Variants in PARG observed in about 807,000 individuals in gnomAD.
The protein encoded by PARG is mitochondrial poly(ADP-ribose) glycohydrolase.
In PARG, 35 loss-of-function variants were observed where a neutral mutation model predicts 113.0. The observed-to-expected ratio is 0.31, with a 90% confidence interval of 0.24 to 0.41. The LOEUF is 0.41. Among genes scored for constraint, PARG ranks in the 10% least tolerant of loss-of-function variants. PARG has a pLI of 1.00. For synonymous variants in PARG, 330 were observed against 409.9 expected, an observed-to-expected ratio of 0.81 and a Z score of 2.36; for missense variants, 797 against 1,169.4, an observed-to-expected ratio of 0.68 and a Z score of 4.64.
At chr10:49,890,425 T>C (rs1272041269) in intron 7 of PARG, among the ~76,000 whole-genome samples, 1 of 152,350 alleles carries the variant, frequency 6.6e-6, no homozygotes, top group South Asian at 2.1e-4. Flanking sequence ...GATCTGTTCA[T>C]TCATTCGATT....
At chr10:49,925,891 C>T (rs1247958701) in intron 4 of PARG, among the ~76,000 whole-genome samples, 1 of 152,252 alleles carries the variant, frequency 6.6e-6, no homozygotes, top group Non-Finnish European at 1.5e-5. Flanking sequence ...CAGAGGAGTG[C>T]CTCCTTGGCC....
At chr10:49,904,917 A>AAAAT (rs60426487) in intron 7 of PARG, among the ~76,000 whole-genome samples, 55,683 of 147,754 alleles carry the variant, frequency 0.38, 10,653 homozygotes, top group Admixed American at 0.46. Flanking sequence ...GAACATCTCA[A>AAAAT]AAATAAATAA....
intron 7 of PARG, among the ~76,000 whole-genome samples, chr10:49,907,318 C>T (rs183421220): frequency 0.01 from 1,596 of 152,238 alleles, 14 homozygotes; most frequent in Non-Finnish European, 0.02. Flanking sequence ...AAATCATTAC[C>T]TGTCATTATC....
chr10:49,850,262 C>T lies in PARG; in HGVS notation c.2354-6630G>A, dbSNP rs868906352. The stretch of plus-strand genomic sequence containing the variant: ...AGAGCACTGCACTGAGATTAGGAAA[C>T]GTGAGAAACTCAAAGTGGATCTTCA... On this transcript the variant is annotated intron_variant, in intron 13 of 17. Transcript: ENST00000616448. Among the ~76,000 whole-genome samples, 827 of 140,644 alleles carry T rather than the reference C, an allele frequency of 5.9e-3. 12 individuals carry two copies. Among genetic ancestry groups the T allele is most frequent in the African/African-American group, 0.021 (792 of 37,110 alleles). The allele number at this position is 140,644 out of a possible 152,430, so 92.3% of individuals were successfully genotyped here. A position where few individuals can be genotyped will look rare whatever the true frequency, so the allele number is the denominator to read the frequency against.
At chr10:49,874,571 T>G (rs1554838103) in intron 9 of PARG, among the ~76,000 whole-genome samples, 1 of 151,616 alleles carries the variant, frequency 6.6e-6, no homozygotes, top group Non-Finnish European at 1.5e-5. Context: ...TATAATAAAA[T>G]TGGCCGGGTG....
intron 6 of PARG, among the ~76,000 whole-genome samples, chr10:49,920,463 A>AAATATAT (rs1431747248): frequency 8.3e-5 from 4 of 47,986 alleles, no homozygotes; most frequent in Admixed American, 2.4e-4. Flanking sequence ...AAAAAAAAAA[A>AAATATAT]ATATATATAT....
At chr10:49,893,690 T>C (rs1397670903) in intron 7 of PARG, among the ~76,000 whole-genome samples, 1 of 143,710 alleles carries the variant, frequency 7.0e-6, no homozygotes, top group Admixed American at 7.0e-5. Context: ...AATTTTTGAC[T>C]TTTTTTTTTT....
chr10:49,888,803 A>AT (rs1847623426), intron 7 of PARG, among the ~76,000 whole-genome samples: 1 of 152,044 alleles, frequency 6.6e-6, no homozygotes, highest in African/African-American at 2.4e-5. Flanking sequence ...TTCTTTGAAT[A>AT]TTTTTTCAGT....
chr10:49,840,268 C>T (rs1554831997), intron 15 of PARG, among the ~76,000 whole-genome samples: 1 of 151,838 alleles, frequency 6.6e-6, no homozygotes, highest in African/African-American at 2.4e-5. Context: ...CACACCTGTA[C>T]TCCTAGCTAC....
At chr10:49,849,261 T>C (rs1371993646) in intron 13 of PARG, among the ~76,000 whole-genome samples, 6 of 152,180 alleles carry the variant, frequency 3.9e-5, no homozygotes, top group African/African-American at 9.6e-5. Flanking sequence ...TTCAGCAAGC[T>C]GTTTTGGTAA....
intron 16 of PARG, among the ~76,000 whole-genome samples, chr10:49,829,293 G>A (rs891532038): frequency 2.0e-5 from 3 of 151,850 alleles, no homozygotes; most frequent in Non-Finnish European, 4.4e-5. Flanking sequence ...TTTTGTAAGA[G>A]ATGTGGTCTT....
chr10:49,927,316 A>C (rs1554850813), intron 4 of PARG, among the ~76,000 whole-genome samples: 4 of 146,450 alleles, frequency 2.7e-5, no homozygotes, highest in South Asian at 2.2e-4. Context: ...GAAAGAAAGA[A>C]AGAAAGAAAG....
rs143082969 is a variant in PARG, at chr10:49,883,685, C to T, written c.1830+1518G>A. ...GTGTAGTGGCACACGCCTGTAGTCCCGGCTACTCAGGAAGCTGAGGCAGGA... is the reference window on the plus strand; with the variant it reads ...GTGTAGTGGCACACGCCTGTAGTCCTGGCTACTCAGGAAGCTGAGGCAGGA... On this transcript the variant is annotated intron_variant, in intron 8 of 17. Coordinates refer to ENST00000616448, the MANE Select transcript of PARG (RefSeq NM_003631.5). Among the ~76,000 whole-genome samples the T allele has an allele frequency of 5.2e-3, 790 of 152,034 alleles. 13 individuals are homozygous for T. The highest frequency in any genetic ancestry group is 0.027 in the Middle Eastern group (8 of 292).
At chr10:49,854,283 C>T (rs1845885498) in intron 13 of PARG, among the ~76,000 whole-genome samples, 1 of 151,414 alleles carries the variant, frequency 6.6e-6, no homozygotes, top group Non-Finnish European at 1.5e-5. Context: ...TGGAGGGCCC[C>T]GCTCAGAAGG....
intron 8 of PARG, among the ~76,000 whole-genome samples, chr10:49,884,437 A>G (rs1847362982): frequency 2.0e-5 from 3 of 152,182 alleles, no homozygotes. Flanking sequence ...CGTCTCTACT[A>G]AAAGTACAAA....
At chr10:49,834,581 A>G (rs1844824902) in intron 15 of PARG, among the ~76,000 whole-genome samples, 1 of 152,224 alleles carries the variant, frequency 6.6e-6, no homozygotes, top group Non-Finnish European at 1.5e-5. Flanking sequence ...CATGAAACTG[A>G]AAATAAACCT....
At chr10:49,832,461 G>A (rs1844717779) in intron 16 of PARG, among the ~76,000 whole-genome samples, 1 of 152,226 alleles carries the variant, frequency 6.6e-6, no homozygotes. Context: ...GAATGAGTCT[G>A]TGAAATAACT....
Position 49,922,405 on chromosome 10 carries a change from A to G in PARG, c.1593T>C (p.Thr531=). 1 of 1,608,620 alleles carries G rather than the reference A, an allele frequency of 6.2e-7. No homozygotes were observed. The highest frequency in any genetic ancestry group is 8.5e-7 in the Non-Finnish European group (1 of 1,178,270). ...GAATGAGCTCCCACCGGCTCCCCGC[A>G]GTTCGCTCACCATTCTTTTGGAAAA... is the stretch of plus-strand genomic sequence containing the variant. The part of the protein sequence containing the change: ...YPVEDENGER[T]AGSRWELIQT... Residue 531 remains threonine (T), a synonymous_variant, in exon 6 of 18, where the codon ACT becomes ACC. Coordinates refer to ENST00000616448, the MANE Select transcript of PARG (RefSeq NM_003631.5).
In PARG at chr10:49,941,551, G is replaced by A. The variant is rs1706100681; in HGVS notation, c.175C>T (p.Pro59Ser). ...RVPPSSPACV[P>S]GRAGQHRGSA... ...CCTCTGTGCTGTCCCGCCCGCCCTGGGACGCAGGCTGGCGAGGACGGTGGG... is the reference window on the plus strand; with the variant it reads ...CCTCTGTGCTGTCCCGCCCGCCCTGAGACGCAGGCTGGCGAGGACGGTGGG... Residue 59 changes from proline to serine, a missense_variant, in exon 1 of 18, where the codon CCA (proline) becomes TCA (serine). Transcript: ENST00000616448. 6.4e-7 allele frequency: 1 copy of A among 1,559,354 alleles called. No homozygotes were observed. Among genetic ancestry groups the A allele is most frequent in the Non-Finnish European group, 8.7e-7 (1 of 1,151,948 alleles).
Sources: allele counts gnomAD v4.1 joint callset (sites outside exome capture counted in the v4.1 genomes callset), GRCh38; gene constraint gnomAD v4.1.1; transcripts MANE v1.5; gene names NCBI Gene and HGNC (gene_info 2026-07-23, HGNC 2026-07-21).